The following CFAP97 variants were observed in gnomAD, a reference collection of about 807,000 sequenced individuals.
CFAP97 encodes the protein cilia and flagella associated protein 97, also known as cilia- and flagella-associated protein 97.
Under a neutral mutation model 43.1 loss-of-function variants are expected in CFAP97, and 36 were observed. The observed-to-expected ratio is 0.84, with a 90% CI of 0.64 to 1.10. The LOEUF (loss-of-function observed/expected upper bound fraction) is 1.10, where lower values mean the gene tolerates loss of function less well. Among genes scored for constraint, CFAP97 ranks in the 50% least tolerant of loss-of-function variants. CFAP97 has a pLI of 0.00. For missense variants in CFAP97, 657 were observed against 620.3 expected, an observed-to-expected ratio of 1.06 and a Z score of -0.63; for synonymous variants, 228 against 225.7, an observed-to-expected ratio of 1.01 and a Z score of -0.09.
rs1735485650 is a variant in CFAP97, at chr4:185,175,643, C to A, written c.1320+143G>T. 4 of 707,422 alleles carry A rather than the reference C, an allele frequency of 5.7e-6. No homozygotes were observed. In the East Asian group the frequency reaches 1.0e-4, roughly 18 times the overall value. 43.8% of individuals were successfully genotyped at this position (707,422 alleles called of 1,614,324 possible). A position where few individuals can be genotyped will look rare whatever the true frequency, so the allele number is the denominator to read the frequency against. On this transcript the variant is annotated intron_variant, in intron 3 of 4. Transcript: ENST00000458385. The stretch of plus-strand genomic sequence containing the variant: ...CGTATCCTCCGGACTTACAGCACAT[C>A]ATATGTTTCATACCACACATACCGC...
At chr4:185,210,167 T>C, upstream of CFAP97, 2 of 984,308 alleles carry the variant, frequency 2.0e-6, no homozygotes, top group Non-Finnish European at 2.4e-6. The surrounding 1 kb of genome is among the most constrained non-coding windows in gnomAD (Gnocchi z 4.4). Flanking sequence ...TTTGCCCTCG[T>C]CTGCCGGAGC....
At chr4:185,201,868 T>G (rs1210713499) in intron 1 of CFAP97, among the ~76,000 whole-genome samples, 2 of 152,178 alleles carry the variant, frequency 1.3e-5, no homozygotes, top group East Asian at 1.9e-4. Flanking sequence ...TCTCCACAGT[T>G]TATCATCTTT....
At chr4:185,165,614 A>G (rs1427492228) in intron 3 of CFAP97, among the ~76,000 whole-genome samples, 3 of 152,234 alleles carry the variant, frequency 2.0e-5, no homozygotes, top group Admixed American at 2.0e-4. Context: ...ACTGACCTGC[A>G]CTAAGTTTCA....
intron 3 of CFAP97, among the ~76,000 whole-genome samples, chr4:185,173,405 G>A (rs2111336515): frequency 7.0e-6 from 1 of 143,572 alleles, no homozygotes; most frequent in Admixed American, 6.9e-5. Flanking sequence ...TCCTTAAAAA[G>A]CTAAACACAA....
intron 1 of CFAP97, among the ~76,000 whole-genome samples, chr4:185,202,007 A>G (rs901969628): frequency 6.7e-6 from 1 of 149,800 alleles, no homozygotes; most frequent in Non-Finnish European, 1.5e-5. Context: ...CCAGCTGCAG[A>G]CCCAGCTAAA....
upstream of CFAP97, among the ~76,000 whole-genome samples, chr4:185,208,506 G>A (rs1737301437): frequency 6.6e-6 from 1 of 151,758 alleles, no homozygotes; most frequent in African/African-American, 2.4e-5. Context: ...GAGGCAGGCG[G>A]ATCACGAGGT....
At chr4:185,186,700 A>G (rs4619938) in intron 2 of CFAP97, among the ~76,000 whole-genome samples, 82,805 of 151,914 alleles carry the variant, frequency 0.55, 23,190 homozygotes, top group African/African-American at 0.69. Context: ...CATGACATAC[A>G]TTACTTACAT....
At chr4:185,193,984 C>T (rs533005259) in intron 1 of CFAP97, among the ~76,000 whole-genome samples, 29 of 152,304 alleles carry the variant, frequency 1.9e-4, no homozygotes, top group African/African-American at 6.5e-4. Context: ...AACATCATCA[C>T]TTAGATCACG....
chr4:185,190,327 T>C lies in CFAP97; in HGVS notation c.870A>G (p.Glu290=), dbSNP rs746612390. ...KIKKQENVSQ[E]IYEDVEDLKN... Reference sequence around the variant, plus strand: ...TCAAATCCTCAACATCTTCATATATTTCTTGGCTCACATTTTCTTGCTTTT... The same window carrying C: ...TCAAATCCTCAACATCTTCATATATCTCTTGGCTCACATTTTCTTGCTTTT... The change falls in exon 2 of 5, where the codon GAA becomes GAG. Residue 290 remains glutamate, a synonymous_variant. Coordinates refer to ENST00000458385, the MANE Select transcript of CFAP97 (RefSeq NM_020827.3). 1.9e-6 allele frequency: 3 copies of C among 1,604,648 alleles called. No homozygotes were observed. Among genetic ancestry groups the C allele is most frequent in the Non-Finnish European group, 2.6e-6 (3 of 1,174,504 alleles).
At chr4:185,179,331 T>C (rs939530251) in intron 2 of CFAP97, among the ~76,000 whole-genome samples, 1 of 152,100 alleles carries the variant, frequency 6.6e-6, no homozygotes, top group African/African-American at 2.4e-5. Context: ...TAAAGATTAT[T>C]ATAATTTACA....
intron 2 of CFAP97, among the ~76,000 whole-genome samples, chr4:185,181,034 CAG>C (rs1735759379): frequency 6.6e-6 from 1 of 151,976 alleles, no homozygotes; most frequent in Non-Finnish European, 1.5e-5. Flanking sequence ...CAGCGAGTGG[CAG>C]AGTTTGTTTT....
In CFAP97 at chr4:185,181,771, C is replaced by G. The variant is rs553613629; in HGVS notation, c.1055-5720G>C. Among the ~76,000 whole-genome samples, 30 of 152,286 alleles carry G rather than the reference C, an allele frequency of 2.0e-4. No individual in the cohort carries two copies. In the South Asian group the frequency reaches 6.2e-3, roughly 32 times the overall value. On this transcript the variant is annotated intron_variant, in intron 2 of 4. Transcript: ENST00000458385. ...TGCTTTTCTTAAATGTTTGGCAATA[C>G]TTGGTAGTGTGTTGAGGGCATTGAG...
intron 2 of CFAP97, among the ~76,000 whole-genome samples, chr4:185,186,376 T>C (rs1736007324): frequency 6.6e-6 from 1 of 152,158 alleles, no homozygotes; most frequent in African/African-American, 2.4e-5. Flanking sequence ...GAGGTTGCAG[T>C]GAGCCAAGCT....
chr4:185,193,247 G>A lies in CFAP97; in HGVS notation c.-16-2035C>T, dbSNP rs544145585. Among the ~76,000 whole-genome samples the A allele has an allele frequency of 4.6e-5, 7 of 151,734 alleles. No homozygotes were observed. In the East Asian group the frequency reaches 1.2e-3, roughly 25 times the overall value. On this transcript the variant is annotated intron_variant, in intron 1 of 4. Coordinates refer to ENST00000458385, the MANE Select transcript of CFAP97 (RefSeq NM_020827.3). ...TGTCCAAGTTGGACAATTCAGCATT[G>A]AAAAAGAAAAAAGACAAACATACAT...
rs568080358 is a variant in CFAP97, at chr4:185,209,502, C to T, written c.-251G>A. On this transcript the variant is annotated 5_prime_UTR_variant, in exon 1 of 3. Transcript: ENST00000503223. The surrounding 1 kb of genome is among the most constrained non-coding windows in gnomAD (Gnocchi z 5.2). ...GCCCCCGCGCTGTGGGTGGGCGCCTCCCGGCTGTCACTCAGCGGCCGCGGT... is the reference window on the plus strand; with the variant it reads ...GCCCCCGCGCTGTGGGTGGGCGCCTTCCGGCTGTCACTCAGCGGCCGCGGT... 6.4e-6 allele frequency: 1 copy of T among 156,788 alleles called. No individual in the cohort carries two copies. Among genetic ancestry groups the T allele is most frequent in the African/African-American group, 2.4e-5 (1 of 41,492 alleles). 9.7% of individuals were successfully genotyped at this position (156,788 alleles called of 1,614,324 possible). A position where few individuals can be genotyped will look rare whatever the true frequency, so the allele number is the denominator to read the frequency against.
At position 185,162,528 on chromosome 4, in the gene CFAP97, C is replaced by T. The variant is rs967948375; in HGVS notation, c.*270G>A. 2 of 390,934 alleles carry T rather than the reference C, an allele frequency of 5.1e-6. No individual in the cohort carries two copies. The highest frequency in any genetic ancestry group is 9.4e-6 in the Non-Finnish European group (2 of 213,872). The allele number at this position is 390,934 out of a possible 1,614,324, so 24.2% of individuals were successfully genotyped here. A position where few individuals can be genotyped will look rare whatever the true frequency, so the allele number is the denominator to read the frequency against. On this transcript the variant is annotated 3_prime_UTR_variant, in exon 5 of 5. Transcript: ENST00000458385. ...TATCACTACTATTTTGACAGCATGA[C>T]AACTGAATAATTAGAAGATACACAT...
chr4:185,174,182 A>G (rs1317216572), intron 3 of CFAP97, among the ~76,000 whole-genome samples: 8 of 152,180 alleles, frequency 5.3e-5, no homozygotes. Flanking sequence ...GCACAATGTA[A>G]TTTCTTATTA....
At chr4:185,166,346 A>AT (rs1735072162) in intron 3 of CFAP97, among the ~76,000 whole-genome samples, 1 of 152,186 alleles carries the variant, frequency 6.6e-6, no homozygotes, top group Non-Finnish European at 1.5e-5. Context: ...TCTCCAGTGT[A>AT]TTCTACCAGC....
At chr4:185,202,946 A>G (rs1736951702) in intron 1 of CFAP97, among the ~76,000 whole-genome samples, 1 of 152,256 alleles carries the variant, frequency 6.6e-6, no homozygotes, top group African/African-American at 2.4e-5. Flanking sequence ...AAATGACTTA[A>G]TAAAGTAGTT....
Sources: gnomAD v4.1 joint callset for allele counts (sites outside exome capture counted in the v4.1 genomes callset) on GRCh38, gnomAD v4.1.1 for gene constraint, Gnocchi (gnomAD v3.1) non-coding constraint, MANE v1.5 for transcripts, NCBI Gene and HGNC (gene_info 2026-07-23, HGNC 2026-07-21) for gene names.